VTI1A: variants seen among roughly 807,000 people sequenced by gnomAD.
VTI1A encodes the protein vesicle transport through interaction with t-SNAREs homolog 1A.
In VTI1A, 22 loss-of-function variants were observed where a neutral mutation model predicts 34.9. The observed-to-expected ratio is 0.63, with a 90% CI of 0.45 to 0.90. The LOEUF (loss-of-function observed/expected upper bound fraction) is 0.90, where lower values mean the gene tolerates loss of function less well. Ranked by LOEUF, VTI1A falls within the 40% of genes least tolerant of loss-of-function variation. The probability of loss-of-function intolerance (pLI) is 0.00; values close to 1 mark genes in which losing one functional copy is unlikely to be tolerated. For synonymous variants in VTI1A, 87 were observed against 97.3 expected (o/e 0.89, Z 0.62); for missense variants, 268 against 275.6 (o/e 0.97, Z 0.20).
At chr10:112,660,574 A>T (rs747923462) in intron 5 of VTI1A, among the ~76,000 whole-genome samples, 4 of 152,236 alleles carry the variant, frequency 2.6e-5, no homozygotes, top group Non-Finnish European at 5.9e-5. Context: ...TTTGGAGATC[A>T]TTTTAGAGTT....
intron 1 of VTI1A, among the ~76,000 whole-genome samples, chr10:112,454,342 G>A (rs1847350976): frequency 6.6e-6 from 1 of 152,118 alleles, no homozygotes; most frequent in African/African-American, 2.4e-5. Context: ...AACTTCTATT[G>A]AGTAGGAAAT....
At chr10:112,715,219 A>G (rs1849564046) in intron 7 of VTI1A, among the ~76,000 whole-genome samples, 1 of 152,174 alleles carries the variant, frequency 6.6e-6, no homozygotes, top group African/African-American at 2.4e-5. Context: ...AAAACCACAA[A>G]TTACTGAATT....
intron 5 of VTI1A, among the ~76,000 whole-genome samples, chr10:112,642,575 CAT>C (rs36027060): frequency 0.74 from 112,961 of 151,862 alleles, 42,544 homozygotes; most frequent in Non-Finnish European, 0.82. Context: ...TATATCAGCA[CAT>C]ATATACGTAT....
In VTI1A at chr10:112,447,551, C is replaced by G. The variant is rs746070427; in HGVS notation, c.94+84C>G. ...TGGAACGCCGCCCGAGTAAGTGTGT[C>G]TATGAGGCGCGAGGCTGGAGTGGGT... On this transcript the variant is annotated intron_variant, in intron 1 of 7. Coordinates refer to ENST00000393077, the MANE Select transcript of VTI1A (RefSeq NM_145206.4). The G allele has an allele frequency of 2.7e-4, 397 of 1,474,004 alleles. 1 individual carries two copies. Among genetic ancestry groups the G allele is most frequent in the Non-Finnish European group, 3.4e-4 (370 of 1,079,010 alleles). The allele number at this position is 1,474,004 out of a possible 1,614,324, so 91.3% of individuals were successfully genotyped here.
chr10:112,850,931 A>C, the VTI1A span, among the ~76,000 whole-genome samples: 1 of 152,208 alleles, frequency 6.6e-6, no homozygotes, highest in African/African-American at 2.4e-5. Flanking sequence ...AGTTGATTCA[A>C]ATAAACCTCA....
At chr10:112,606,314 C>T (rs1015248794) in intron 5 of VTI1A, among the ~76,000 whole-genome samples, 6 of 152,104 alleles carry the variant, frequency 3.9e-5, no homozygotes, top group South Asian at 2.1e-4. Context: ...CGTGAGCCAC[C>T]GCGCCCGGCC....
intron 3 of VTI1A, among the ~76,000 whole-genome samples, chr10:112,490,164 A>G (rs1379139599): frequency 6.6e-6 from 1 of 152,144 alleles, no homozygotes; most frequent in East Asian, 1.9e-4. Flanking sequence ...TTCATGGTAA[A>G]TTATTGGATC....
At chr10:112,584,157 C>T (rs1844061716) in intron 5 of VTI1A, among the ~76,000 whole-genome samples, 1 of 152,158 alleles carries the variant, frequency 6.6e-6, no homozygotes, top group Admixed American at 6.6e-5. Flanking sequence ...ATTTATGTAT[C>T]CTTTTTCATT....
At chr10:112,510,403 G>A (rs560827905) in intron 3 of VTI1A, among the ~76,000 whole-genome samples, 3 of 152,298 alleles carry the variant, frequency 2.0e-5, no homozygotes, top group African/African-American at 4.8e-5. Context: ...GGGAGGCTGA[G>A]ATGGGGGATT....
At chr10:112,828,316 G>A in the VTI1A span, among the ~76,000 whole-genome samples, 57 of 152,134 alleles carry the variant, frequency 3.7e-4, no homozygotes, top group South Asian at 6.2e-3. Flanking sequence ...GTCAGTTAGC[G>A]CACGGTATGT....
chr10:112,595,845 A>T (rs1214781082), intron 5 of VTI1A, among the ~76,000 whole-genome samples: 2 of 152,148 alleles, frequency 1.3e-5, no homozygotes, highest in African/African-American at 4.8e-5. Context: ...TCATGCTGCT[A>T]TAAAGACACA....
chr10:112,469,565 T>C (rs773867295), intron 3 of VTI1A, among the ~76,000 whole-genome samples: 4 of 152,228 alleles, frequency 2.6e-5, no homozygotes, highest in Admixed American at 6.5e-5. Context: ...AGTTTATTGT[T>C]AGACTTTTTA....
chr10:112,558,736 T>A (rs1054399569), intron 5 of VTI1A, among the ~76,000 whole-genome samples: 2 of 152,156 alleles, frequency 1.3e-5, no homozygotes, highest in Admixed American at 6.5e-5. Context: ...CATATCTCAA[T>A]TGAGAGACAC....
chr10:112,571,642 A>T (rs1852127213), intron 5 of VTI1A, among the ~76,000 whole-genome samples: 1 of 152,198 alleles, frequency 6.6e-6, no homozygotes, highest in Non-Finnish European at 1.5e-5. Context: ...CTGGATATGT[A>T]TATATCCAAA....
intron 5 of VTI1A, among the ~76,000 whole-genome samples, chr10:112,580,377 A>G (rs574969225): frequency 6.6e-6 from 1 of 152,334 alleles, no homozygotes; most frequent in East Asian, 1.9e-4. Flanking sequence ...AAGAACTTAG[A>G]AAGAAGATGG....
chr10:112,847,423 C>T, the VTI1A span, among the ~76,000 whole-genome samples: 1 of 152,216 alleles, frequency 6.6e-6, no homozygotes, highest in African/African-American at 2.4e-5. Flanking sequence ...CTTTCCCACT[C>T]TCTTCTATGT....
At chr10:112,480,520 G>GTGTGCATGTGCA (rs564413978) in intron 3 of VTI1A, among the ~76,000 whole-genome samples, 4 of 152,134 alleles carry the variant, frequency 2.6e-5, no homozygotes, top group Non-Finnish European at 4.4e-5. Flanking sequence ...ATATGTGTGT[G>GTGTGCATGTGCA]TGTGCATGTG....
intron 5 of VTI1A, among the ~76,000 whole-genome samples, chr10:112,553,817 C>T (rs956961466): frequency 4.6e-5 from 7 of 152,298 alleles, no homozygotes; most frequent in Admixed American, 3.9e-4. Context: ...AACTGAATGA[C>T]CACTTTCTAA....
chr10:112,681,419 T>C (rs1052113823), intron 7 of VTI1A, among the ~76,000 whole-genome samples: 1 of 152,196 alleles, frequency 6.6e-6, no homozygotes, highest in Non-Finnish European at 1.5e-5. Context: ...GAGCAAATCA[T>C]AGACAGCAGA....
Sources: allele counts gnomAD v4.1 joint callset (sites outside exome capture counted in the v4.1 genomes callset), GRCh38; gene constraint gnomAD v4.1.1; transcripts MANE v1.5; gene names NCBI Gene and HGNC (gene_info 2026-07-23, HGNC 2026-07-21).